Variants in SOX5 observed in about 807,000 individuals in gnomAD.
SOX5 encodes transcription factor SOX-5.
In SOX5, 9 loss-of-function variants were observed where a neutral mutation model predicts 92.0. The ratio of observed to expected loss-of-function variants is 0.10; its 90% CI spans 0.06 to 0.17. The LOEUF (loss-of-function observed/expected upper bound fraction) is 0.17. Among genes scored for constraint, SOX5 ranks in the 10% least tolerant of loss-of-function variants. The pLI is 1.00. For synonymous variants in SOX5, 344 were observed against 336.3 expected (o/e 1.02, Z -0.25); for missense variants, 642 against 944.5 (o/e 0.68, Z 4.20).
At chr12:24,252,280 A>C (rs550922319) in intron 3 of SOX5, among the ~76,000 whole-genome samples, 68 of 152,346 alleles carry the variant, frequency 4.5e-4, no homozygotes, top group African/African-American at 1.3e-3. Flanking sequence ...TGTCAGACAT[A>C]TAAGAATCAT....
At chr12:23,608,711 G>T (rs1184235381) in intron 8 of SOX5, among the ~76,000 whole-genome samples, 1 of 152,144 alleles carries the variant, frequency 6.6e-6, no homozygotes, top group Non-Finnish European at 1.5e-5. Context: ...AGGGATAAAT[G>T]AAATTGACCT....
intron 4 of SOX5, among the ~76,000 whole-genome samples, chr12:24,150,967 A>C (rs2138827523): frequency 6.6e-6 from 1 of 152,274 alleles, no homozygotes; most frequent in Middle Eastern, 3.4e-3. Flanking sequence ...AAATTTAAAA[A>C]CAGAATCAGG....
intron 1 of SOX5, among the ~76,000 whole-genome samples, chr12:24,551,381 A>T (rs1201084913): frequency 6.6e-6 from 1 of 152,242 alleles, no homozygotes; most frequent in Non-Finnish European, 1.5e-5. Context: ...AACGTTAAAT[A>T]GATTGTCTAA....
At chr12:24,288,254 C>G (rs1353082382) in intron 2 of SOX5, among the ~76,000 whole-genome samples, 1 of 152,080 alleles carries the variant, frequency 6.6e-6, no homozygotes, top group African/African-American at 2.4e-5. Context: ...AGGACAGCTC[C>G]CACAACAAAG....
intron 4 of SOX5, among the ~76,000 whole-genome samples, chr12:23,748,820 A>T (rs935581485): frequency 1.3e-5 from 2 of 151,952 alleles, no homozygotes; most frequent in Admixed American, 6.6e-5. Context: ...ACATCTAAAA[A>T]TCATTCATTG....
rs552716169 is a variant in SOX5 at position 24,197,671 on chromosome 12, G to A, written c.-2+15672C>T. Among the ~76,000 whole-genome samples, 28 of 152,182 alleles carry A rather than the reference G, an allele frequency of 1.8e-4. No homozygotes were observed. The South Asian group carries it at 3.5e-3, about 19-fold the overall frequency. On this transcript the variant is annotated intron_variant, in intron 4 of 4. Transcript: ENST00000446891. ...CTTCTCCCACTTCCTTCCTAGACAC[G>A]AGCTAACACTGGTCTGCTGCAGCCC... is the stretch of plus-strand genomic sequence containing the variant.
At chr12:23,828,795 C>A (rs2096271510) in intron 3 of SOX5, among the ~76,000 whole-genome samples, 1 of 151,068 alleles carries the variant, frequency 6.6e-6, no homozygotes, top group South Asian at 2.1e-4. Context: ...CAAACAAGTT[C>A]TTCTCCTAAG....
intron 4 of SOX5, among the ~76,000 whole-genome samples, chr12:24,072,193 T>C (rs1170554268): frequency 1.3e-5 from 2 of 152,178 alleles, no homozygotes; most frequent in African/African-American, 4.8e-5. Flanking sequence ...CTGTAATGTG[T>C]TAAAAGGAGA....
chr12:23,604,383 G>A lies in SOX5; in HGVS notation c.1164+4C>T. 1 of 1,613,420 alleles carries A rather than the reference G, an allele frequency of 6.2e-7. No individual in the cohort carries two copies. Among genetic ancestry groups the A allele is most frequent in the Non-Finnish European group, 8.5e-7 (1 of 1,179,578 alleles). On this transcript the variant is annotated splice_donor_region_variant and intron_variant, in intron 9 of 14. Coordinates refer to ENST00000451604, the MANE Select transcript of SOX5 (RefSeq NM_006940.6). The stretch of plus-strand genomic sequence containing the variant: ...GCAAGACAGTGGCTTCTTCAAAAGG[G>A]TACCTTGCTTTTGGGTGGTGGGCTG...
At chr12:23,988,531 G>C (rs1304354638) in intron 4 of SOX5, among the ~76,000 whole-genome samples, 4 of 152,198 alleles carry the variant, frequency 2.6e-5, no homozygotes, top group Admixed American at 1.3e-4. Flanking sequence ...GTATTTGAGA[G>C]TGATGTGGGA....
At chr12:24,275,974 G>A (rs940578797) in intron 3 of SOX5, among the ~76,000 whole-genome samples, 4 of 151,912 alleles carry the variant, frequency 2.6e-5, no homozygotes, top group African/African-American at 9.7e-5. Context: ...TTAACTACTT[G>A]TTCTTGTATC....
chr12:23,841,881 G>A (rs918682277), intron 3 of SOX5, among the ~76,000 whole-genome samples: 2 of 152,064 alleles, frequency 1.3e-5, no homozygotes, highest in African/African-American at 4.8e-5. Context: ...ATATGCATTT[G>A]TCAATGCATA....
chr12:24,441,706 G>T (rs185991400), intron 1 of SOX5, among the ~76,000 whole-genome samples: 41 of 152,220 alleles, frequency 2.7e-4, no homozygotes, highest in Middle Eastern at 6.8e-3. Context: ...ATAAACAATG[G>T]GGGGAAAAAG....
intron 2 of SOX5, among the ~76,000 whole-genome samples, chr12:24,317,436 G>A (rs1465004565): frequency 3.9e-5 from 6 of 152,114 alleles, no homozygotes; most frequent in African/African-American, 1.4e-4. Flanking sequence ...AACACTGCCA[G>A]GATATATAAA....
intron 4 of SOX5, among the ~76,000 whole-genome samples, chr12:24,094,327 C>G (rs1945049155): frequency 6.6e-6 from 1 of 152,120 alleles, no homozygotes; most frequent in Admixed American, 6.5e-5. Flanking sequence ...GTTTCATATT[C>G]CATAAAATGT....
intron 1 of SOX5, among the ~76,000 whole-genome samples, chr12:23,918,488 A>G (rs1186060159): frequency 1.3e-5 from 2 of 152,238 alleles, no homozygotes; most frequent in African/African-American, 4.8e-5. Flanking sequence ...ATTTTGCCCA[A>G]TAACTCATCT....
intron 1 of SOX5, among the ~76,000 whole-genome samples, chr12:24,521,263 C>T (rs1467352724): frequency 1.3e-5 from 2 of 152,132 alleles, no homozygotes; most frequent in Non-Finnish European, 2.9e-5. Context: ...CCATGTTGGC[C>T]AGGCTGGTCT....
At chr12:24,389,002 A>T (rs956413986) in intron 1 of SOX5, among the ~76,000 whole-genome samples, 1 of 152,074 alleles carries the variant, frequency 6.6e-6, no homozygotes, top group East Asian at 1.9e-4. Context: ...CATGTGCACA[A>T]TGTGCAGGTT....
rs185345254 is a variant in SOX5 at position 24,552,957 on chromosome 12, G to A, written c.-251+9372C>T. ...CGAGGTAGGAGGATCACTTGAGCTCGGGCAGTTGAGGCTGCAGTGAGCCAT... is the reference window on the plus strand; with the variant it reads ...CGAGGTAGGAGGATCACTTGAGCTCAGGCAGTTGAGGCTGCAGTGAGCCAT... On this transcript the variant is annotated intron_variant, in intron 1 of 4. Transcript: ENST00000446891. Among the ~76,000 whole-genome samples, 99 of 152,308 alleles carry A rather than the reference G, an allele frequency of 6.5e-4. 1 individual carries two copies. The highest frequency in any genetic ancestry group is 5.7e-3 in the Admixed American group (87 of 15,306).
Sources: allele counts gnomAD v4.1 joint callset (sites outside exome capture counted in the v4.1 genomes callset), GRCh38; gene constraint gnomAD v4.1.1; transcripts MANE v1.5; gene names NCBI Gene and HGNC (gene_info 2026-07-23, HGNC 2026-07-21).